The following ELAPOR2 variants were observed in gnomAD, a reference collection of about 807,000 sequenced individuals.
ELAPOR2 encodes endosome/lysosome-associated apoptosis and autophagy regulator family member 2.
A neutral mutation model predicts 120.7 loss-of-function variants in ELAPOR2; 89 were observed. The ratio of observed to expected loss-of-function variants is 0.74; its 90% CI spans 0.62 to 0.88. ELAPOR2 has a LOEUF of 0.88. Ranked by LOEUF, ELAPOR2 falls within the 40% of genes least tolerant of loss-of-function variation. The probability of loss-of-function intolerance (pLI) is 0.00; values close to 1 mark genes in which losing one functional copy is unlikely to be tolerated. For synonymous variants in ELAPOR2, 444 were observed against 444.9 expected, an observed-to-expected ratio of 1.00 and a Z score of 0.03; for missense variants, 1,134 against 1,251.6, an observed-to-expected ratio of 0.91 and a Z score of 1.42.
chr7:86,914,907 C>T (rs1198014215), intron 12 of ELAPOR2, 47 bp from the exon 13 acceptor site: 10 of 1,409,746 alleles, frequency 7.1e-6, no homozygotes, highest in Non-Finnish European at 9.9e-6. Context: ...ACAAACTCAA[C>T]ATTAATATAC....
chr7:86,899,966 C>T (rs892766670), intron 18 of ELAPOR2, among the ~76,000 whole-genome samples: 3 of 151,668 alleles, frequency 2.0e-5, no homozygotes, highest in Admixed American at 2.0e-4. Flanking sequence ...ATACTTTCCA[C>T]CTTCTAGATT....
At chr7:87,012,742 C>T (rs1284126362) in intron 1 of ELAPOR2, among the ~76,000 whole-genome samples, 2 of 152,088 alleles carry the variant, frequency 1.3e-5, no homozygotes, top group Non-Finnish European at 2.9e-5. Context: ...AAGAACATTC[C>T]AACTTGAATG....
At chr7:87,000,407 T>C (rs921922544) in intron 1 of ELAPOR2, among the ~76,000 whole-genome samples, 1 of 151,944 alleles carries the variant, frequency 6.6e-6, no homozygotes, top group Admixed American at 6.6e-5. Context: ...TAAGGTGTCA[T>C]GTAAATACAA....
intron 2 of ELAPOR2, among the ~76,000 whole-genome samples, chr7:86,959,007 C>T (rs1251304797): frequency 2.0e-5 from 3 of 150,494 alleles, no homozygotes; most frequent in African/African-American, 5.0e-5. Flanking sequence ...CTTTAATCAG[C>T]GTTTATCATT....
At chr7:87,039,559 T>C (rs1409461527) in intron 1 of ELAPOR2, among the ~76,000 whole-genome samples, 1 of 152,196 alleles carries the variant, frequency 6.6e-6, no homozygotes, top group Non-Finnish European at 1.5e-5. Context: ...TCATTCATCA[T>C]GACCAAGTGA....
rs577971034 is a variant in ELAPOR2 at position 87,036,329 on chromosome 7, C to A, written c.189+22996G>T. On this transcript the variant is annotated intron_variant, in intron 1 of 21. Coordinates refer to ENST00000450689, the MANE Select transcript of ELAPOR2 (RefSeq NM_001142749.3). Reference sequence around the variant, plus strand: ...TCTATACAAAATAATAATAATAATACAAAAATTAGCAAGGCATGGAAGCAT... The same window carrying A: ...TCTATACAAAATAATAATAATAATAAAAAAATTAGCAAGGCATGGAAGCAT... Among the ~76,000 whole-genome samples, 7 of 152,086 alleles carry A rather than the reference C, an allele frequency of 4.6e-5. No individual in the cohort carries two copies. In the East Asian group the frequency reaches 1.4e-3, roughly 29 times the overall value.
At chr7:87,020,772 T>C (rs1169885804) in intron 1 of ELAPOR2, among the ~76,000 whole-genome samples, 2 of 152,090 alleles carry the variant, frequency 1.3e-5, no homozygotes, top group Admixed American at 6.6e-5. Context: ...CCTTAATAAT[T>C]TTTAAATTTA....
intron 18 of ELAPOR2, among the ~76,000 whole-genome samples, chr7:86,906,846 T>C (rs1470394842): frequency 6.6e-6 from 1 of 152,018 alleles, no homozygotes; most frequent in Non-Finnish European, 1.5e-5. Context: ...TTGGGCAATG[T>C]AGGGAGATTC....
chr7:86,926,863 T>A lies in ELAPOR2; in HGVS notation c.1143A>T (p.Thr381=), dbSNP rs145349832. 148 of 1,600,424 alleles carry A rather than the reference T, an allele frequency of 9.2e-5. No homozygotes were observed. Among genetic ancestry groups the A allele is most frequent in the Non-Finnish European group, 1.1e-4 (135 of 1,175,156 alleles). Residue 381 remains threonine (T), a synonymous_variant, in exon 9 of 22, where the codon ACA becomes ACT. Coordinates refer to ENST00000450689, the MANE Select transcript of ELAPOR2 (RefSeq NM_001142749.3). The part of the protein sequence containing the change: ...IEPKICREDL[T]DAIRLPPSGE... ...CAGAAGGGGGCAATCTAATAGCATC[T>A]GTGAGATCCTCCCGGCAGATTTTGG...
chr7:86,884,684 T>C (rs1799604315), intron 21 of ELAPOR2, among the ~76,000 whole-genome samples: 1 of 152,074 alleles, frequency 6.6e-6, no homozygotes, highest in African/African-American at 2.4e-5. Flanking sequence ...GAGACATGCA[T>C]CATCTACAAG....
chr7:87,031,315 C>T (rs1199250432), intron 1 of ELAPOR2, among the ~76,000 whole-genome samples: 2 of 152,128 alleles, frequency 1.3e-5, no homozygotes, highest in Admixed American at 6.5e-5. Context: ...ACTGAACACA[C>T]ACAAAGACTG....
chr7:87,042,038 A>C (rs1237673122), intron 1 of ELAPOR2, among the ~76,000 whole-genome samples: 4 of 151,014 alleles, frequency 2.6e-5, no homozygotes, highest in African/African-American at 9.8e-5. Context: ...TGGTAAAGGG[A>C]TCAATTCAAC....
chr7:86,952,824 G>T (rs1791318293), intron 2 of ELAPOR2, among the ~76,000 whole-genome samples: 1 of 152,178 alleles, frequency 6.6e-6, no homozygotes, highest in South Asian at 2.1e-4. Context: ...GCTGGACTCA[G>T]TGGCTCACAC....
intron 1 of ELAPOR2, among the ~76,000 whole-genome samples, chr7:86,969,173 A>C (rs942223070): frequency 6.6e-6 from 1 of 152,136 alleles, no homozygotes; most frequent in East Asian, 1.9e-4. Context: ...AAAAATTCAA[A>C]TTGTGTTATC....
At chr7:86,999,489 G>T (rs529052311) in intron 1 of ELAPOR2, among the ~76,000 whole-genome samples, 1 of 152,140 alleles carries the variant, frequency 6.6e-6, no homozygotes, top group East Asian at 1.9e-4. Context: ...CTACAAAAAT[G>T]GATTGGGTAC....
chr7:86,954,788 C>A (rs1213033361), intron 2 of ELAPOR2, among the ~76,000 whole-genome samples: 12 of 152,004 alleles, frequency 7.9e-5, no homozygotes, highest in South Asian at 2.1e-4. Flanking sequence ...ATTCCAGGAT[C>A]AAGACAAGCC....
chr7:86,978,886 TA>T (rs1461331408), intron 1 of ELAPOR2, among the ~76,000 whole-genome samples: 2 of 152,240 alleles, frequency 1.3e-5, no homozygotes, highest in South Asian at 2.1e-4. Flanking sequence ...TATAACTGTA[TA>T]TTTTTTTGTT....
At position 86,877,270 on chromosome 7, in the gene ELAPOR2, T is replaced by C. The variant is rs1050073224; in HGVS notation, c.*3201A>G. 1.3e-5 allele frequency: 2 copies of C among 152,182 alleles called. No homozygotes were observed. Among genetic ancestry groups the C allele is most frequent in the Non-Finnish European group, 2.9e-5 (2 of 68,024 alleles). 9.4% of individuals were successfully genotyped at this position (152,182 alleles called of 1,614,324 possible). A position where few individuals can be genotyped will look rare whatever the true frequency, so the allele number is the denominator to read the frequency against. On this transcript the variant is annotated 3_prime_UTR_variant, in exon 22 of 22. Coordinates refer to ENST00000450689, the MANE Select transcript of ELAPOR2 (RefSeq NM_001142749.3). ...AGCAAGAGAATAATCTGTAGCCAGTTAGTATGAAGATGAATTCCATTTTAG... is the reference window on the plus strand; with the variant it reads ...AGCAAGAGAATAATCTGTAGCCAGTCAGTATGAAGATGAATTCCATTTTAG...
rs1395711180 is a variant in ELAPOR2, at chr7:86,878,817, C to T, written c.*1654G>A. The T allele has an allele frequency of 6.6e-6, 1 of 152,122 alleles. No homozygotes were observed. The highest frequency in any genetic ancestry group is 2.4e-5 in the African/African-American group (1 of 41,430). 9.4% of individuals were successfully genotyped at this position (152,122 alleles called of 1,614,324 possible). On this transcript the variant is annotated 3_prime_UTR_variant, in exon 22 of 22. Transcript: ENST00000450689. ...AAAAAAGGTTTATGCAAAGTGACTC[C>T]CTCCCTGAATCCCAGAGCAAACAAT...
Sources: gnomAD v4.1 joint callset for allele counts (sites outside exome capture counted in the v4.1 genomes callset) on GRCh38, gnomAD v4.1.1 for gene constraint, MANE v1.5 for transcripts, NCBI Gene and HGNC (gene_info 2026-07-23, HGNC 2026-07-21) for gene names.